FBN1: variants seen among roughly 807,000 people sequenced by gnomAD.
The protein encoded by FBN1 is fibrillin-1.
Under a neutral mutation model 365.1 loss-of-function variants are expected in FBN1, and 29 were observed. The observed-to-expected ratio is 0.08, with a 90% CI of 0.06 to 0.11. The LOEUF (loss-of-function observed/expected upper bound fraction) is 0.11, where lower values mean the gene tolerates loss of function less well. Ranked by LOEUF, FBN1 falls within the 10% of genes least tolerant of loss-of-function variation. The probability of loss-of-function intolerance (pLI) is 1.00; values close to 1 mark genes in which losing one functional copy is unlikely to be tolerated. For synonymous variants in FBN1, 1,210 were observed against 1,270.5 expected (o/e 0.95, Z 1.01); for missense variants, 2,476 against 3,703.2 (o/e 0.67, Z 8.60).
intron 23 of FBN1, among the ~76,000 whole-genome samples, chr15:48,493,299 A>G (rs1373660628): frequency 6.6e-6 from 1 of 152,178 alleles, no homozygotes; most frequent in African/African-American, 2.4e-5. Context: ...AAAGAAAGGC[A>G]CTTACTTGCC....
chr15:48,572,594 C>T (rs1160761038), intron 6 of FBN1, among the ~76,000 whole-genome samples: 3 of 151,114 alleles, frequency 2.0e-5, no homozygotes, highest in Admixed American at 6.6e-5. Context: ...TGGGGATTGT[C>T]TAAAACGGCA....
Position 48,554,556 on chromosome 15 carries a change from C to G in FBN1, c.539-16748G>C, listed in dbSNP as rs1262887988. Among the ~76,000 whole-genome samples the G allele has an allele frequency of 2.6e-5, 4 of 152,132 alleles. No individual in the cohort carries two copies. In the East Asian group the frequency reaches 7.7e-4, roughly 29 times the overall value. On this transcript the variant is annotated intron_variant, in intron 6 of 65. Coordinates refer to ENST00000316623, the MANE Select transcript of FBN1 (RefSeq NM_000138.5). ...ATAAAATCTATGATAGAGGTTACCT[C>G]CCTGTGGAGAAGCAGGAAAGAGATG...
At chr15:48,421,837 C>A (rs2042944867) in intron 61 of FBN1, 115 bp downstream of exon 61, 1 of 1,151,222 alleles carries the variant, frequency 8.7e-7, no homozygotes. Flanking sequence ...CACATACATG[C>A]ACTCATATAT....
intron 2 of FBN1, among the ~76,000 whole-genome samples, chr15:48,629,732 T>C (rs1336672838): frequency 6.6e-6 from 1 of 152,220 alleles, no homozygotes; most frequent in Non-Finnish European, 1.5e-5. Context: ...ATTGTATCCT[T>C]CTTGCTAGTT....
At chr15:48,617,568 T>A (rs887664456) in intron 2 of FBN1, among the ~76,000 whole-genome samples, 4 of 152,224 alleles carry the variant, frequency 2.6e-5, no homozygotes, top group Admixed American at 6.5e-5. Flanking sequence ...TACATTTTTT[T>A]AAAATAGCTA....
chr15:48,459,741 G>A (rs1253703302), intron 43 of FBN1, among the ~76,000 whole-genome samples: 2 of 152,190 alleles, frequency 1.3e-5, no homozygotes, highest in African/African-American at 4.8e-5. Context: ...TCATTTACCA[G>A]GCAGGGCCTC....
At chr15:48,444,804 A>T (rs900126662) in intron 48 of FBN1, 144 bp from the exon 49 acceptor site, 2 of 883,770 alleles carry the variant, frequency 2.3e-6, no homozygotes, top group African/African-American at 3.4e-5. Flanking sequence ...GAGAAAAATA[A>T]GCAATAATAA....
chr15:48,513,744 T>A, intron 12 of FBN1, 76 bp from the exon 13 acceptor site: 2 of 1,533,176 alleles, frequency 1.3e-6, no homozygotes, highest in East Asian at 4.6e-5. Context: ...GGGTTCCTTT[T>A]ATACATATAA....
intron 58 of FBN1, 126 bp downstream of exon 58, chr15:48,427,441 T>C (rs1184561683): frequency 2.1e-6 from 2 of 971,672 alleles, no homozygotes; most frequent in African/African-American, 3.3e-5. Flanking sequence ...TGAAGAATTT[T>C]TGTTGGCCTC....
chr15:48,482,677 G>A (rs1004281580), intron 31 of FBN1, among the ~76,000 whole-genome samples: 2 of 152,196 alleles, frequency 1.3e-5, no homozygotes, highest in Non-Finnish European at 2.9e-5. Context: ...ACAGAAGAAA[G>A]CAATGCCAGA....
chr15:48,503,445 C>A (rs932257883), intron 17 of FBN1, among the ~76,000 whole-genome samples: 1 of 152,124 alleles, frequency 6.6e-6, no homozygotes, highest in South Asian at 2.1e-4. Flanking sequence ...TTTACTTTTA[C>A]GCTGTGTAAA....
intron 2 of FBN1, among the ~76,000 whole-genome samples, chr15:48,616,214 G>A (rs972467573): frequency 3.9e-5 from 6 of 152,058 alleles, no homozygotes; most frequent in African/African-American, 1.4e-4. Context: ...GACTTTCTAT[G>A]AGTTTTAAAA....
chr15:48,622,619 G>A (rs762728459), intron 2 of FBN1, among the ~76,000 whole-genome samples: 12 of 151,970 alleles, frequency 7.9e-5, no homozygotes, highest in East Asian at 1.9e-4. Context: ...CATATTCACC[G>A]TGCTTATTTC....
At position 48,600,228 on chromosome 15, in the gene FBN1, T is replaced by C. The variant is rs765503809; in HGVS notation, c.353A>G (p.His118Arg). 1.4e-5 allele frequency: 23 copies of C among 1,613,154 alleles called. No homozygotes were observed. The highest frequency in any genetic ancestry group is 1.8e-5 in the Non-Finnish European group (21 of 1,179,330). ...APSCGSRSIQ[H>R]CNIRCMNGGS... ...TCCATTCATACAGCGAATATTGCAG[T>C]GTTGTACTTGAAAAAAAAGAAGAAG... is the stretch of plus-strand genomic sequence containing the variant. Residue 118 changes from histidine (H) to arginine (R), a missense_variant, in exon 5 of 66, where the codon CAC becomes CGC. Physicochemically the swap from His to Arg is conservative, Grantham distance 29 (BLOSUM62 0). This residue lies in a region of FBN1 where 421 missense variants were observed against 520.1 expected (regional missense o/e 0.81). Coordinates refer to ENST00000316623, the MANE Select transcript of FBN1 (RefSeq NM_000138.5).
At chr15:48,538,350 CTTTT>C (rs1394839523) in intron 6 of FBN1, among the ~76,000 whole-genome samples, 3 of 152,168 alleles carry the variant, frequency 2.0e-5, no homozygotes, top group Non-Finnish European at 1.5e-5. Flanking sequence ...TTATCTGTTT[CTTTT>C]GAGTTGGGGT....
intron 6 of FBN1, among the ~76,000 whole-genome samples, chr15:48,563,067 C>G (rs750329639): frequency 3.3e-5 from 5 of 152,106 alleles, no homozygotes; most frequent in Non-Finnish European, 5.9e-5. Context: ...AATGAATGAA[C>G]AGATGAACAA....
At chr15:48,592,831 C>T (rs2044488823) in intron 6 of FBN1, among the ~76,000 whole-genome samples, 1 of 152,088 alleles carries the variant, frequency 6.6e-6, no homozygotes, top group Non-Finnish European at 1.5e-5. Context: ...GGGACTATGA[C>T]AAACTAGAAG....
intron 2 of FBN1, among the ~76,000 whole-genome samples, chr15:48,630,717 G>A (rs1156286396): frequency 1.6e-5 from 2 of 123,116 alleles, no homozygotes; most frequent in Non-Finnish European, 3.2e-5. Flanking sequence ...GGATGACAGA[G>A]TGAGACTCCA....
chr15:48,472,450 C>T, intron 35 of FBN1, 101 bp downstream of exon 35: 3 of 1,458,946 alleles, frequency 2.1e-6, no homozygotes, highest in Non-Finnish European at 2.8e-6. Context: ...CTAAAACACA[C>T]CTCAGTTTAA....
Sources: allele counts gnomAD v4.1 joint callset (sites outside exome capture counted in the v4.1 genomes callset), GRCh38; gene constraint gnomAD v4.1.1; regional missense constraint gnomAD v4.1.1; transcripts MANE v1.5; gene names NCBI Gene and HGNC (gene_info 2026-07-23, HGNC 2026-07-21).